Variants in CTHRC1 observed in about 807,000 individuals in gnomAD.
CTHRC1 encodes the protein collagen triple helix repeat-containing protein 1.
CTHRC1 carries 21 observed loss-of-function variants against 25.9 expected under a neutral mutation model. The ratio of observed to expected loss-of-function variants is 0.81; its 90% CI spans 0.57 to 1.17. The LOEUF (loss-of-function observed/expected upper bound fraction) is 1.17, where lower values mean the gene tolerates loss of function less well. Ranked by LOEUF, CTHRC1 falls within the 50% of genes most tolerant of loss-of-function variation. The pLI is 0.00. For synonymous variants in CTHRC1, 109 were observed against 113.1 expected (o/e 0.96, Z 0.23); for missense variants, 281 against 304.3 (o/e 0.92, Z 0.57).
At chr8:103,381,515 T>C (rs1815910147) in intron 3 of CTHRC1, among the ~76,000 whole-genome samples, 2 of 151,990 alleles carry the variant, frequency 1.3e-5, no homozygotes, top group Admixed American at 6.6e-5. Flanking sequence ...CAACTTGTAT[T>C]GTTAGTAGGT....
At chr8:103,372,441 TA>T in intron 1 of CTHRC1, 1 of 1,526,710 alleles carries the variant, frequency 6.6e-7, no homozygotes, top group Non-Finnish European at 8.8e-7. Flanking sequence ...TCAGAAGGTT[TA>T]AGGCCGGAAA....
intron 3 of CTHRC1, among the ~76,000 whole-genome samples, chr8:103,378,651 G>A (rs1193554309): frequency 6.6e-6 from 1 of 152,142 alleles, no homozygotes; most frequent in Non-Finnish European, 1.5e-5. Context: ...AAAAAGAAAT[G>A]CCTATCCCAC....
chr8:103,375,721 T>G lies in CTHRC1; in HGVS notation c.151-17T>G. On this transcript the variant is annotated splice_polypyrimidine_tract_variant and intron_variant, in intron 1 of 3. Coordinates refer to ENST00000330295, the MANE Select transcript of CTHRC1 (RefSeq NM_138455.4). ...TAAGTGGTGAGAGTTTTCTTTGCCT[T>G]TTCTTTCTCATTATAGTATAATGGA... is the stretch of plus-strand genomic sequence containing the variant. The G allele has an allele frequency of 6.2e-7, 1 of 1,606,138 alleles. No individual in the cohort carries two copies. The highest frequency in any genetic ancestry group is 8.5e-7 in the Non-Finnish European group (1 of 1,172,742).
chr8:103,376,798 C>G lies in CTHRC1; in HGVS notation c.372+839C>G, dbSNP rs79440391. On this transcript the variant is annotated intron_variant, in intron 2 of 3. Transcript: ENST00000330295. ...GTATAATCCCTGTTCCTTATCTCAG[C>G]TCTTTCTGCTCTATTAAGAGTTTGA... Among the ~76,000 whole-genome samples the G allele has an allele frequency of 9.2e-3, 1,405 of 152,316 alleles. 22 individuals are homozygous for G. The highest frequency in any genetic ancestry group is 0.031 in the African/African-American group (1,292 of 41,572).
chr8:103,377,856 G>A (rs1291154493), intron 2 of CTHRC1, among the ~76,000 whole-genome samples, 171 bp from the exon 3 acceptor site: 2 of 151,962 alleles, frequency 1.3e-5, no homozygotes, highest in Admixed American at 6.6e-5. Context: ...TGCCCCCCTC[G>A]GCCTCCCAAA....
chr8:103,372,830 T>G (rs1393120697), intron 1 of CTHRC1, among the ~76,000 whole-genome samples: 3 of 151,866 alleles, frequency 2.0e-5, no homozygotes, highest in Non-Finnish European at 4.4e-5. Context: ...TTGCAAGACA[T>G]AAGTTGGGGC....
chr8:103,374,388 C>G (rs896334781), intron 1 of CTHRC1, among the ~76,000 whole-genome samples: 2 of 152,150 alleles, frequency 1.3e-5, no homozygotes, highest in Non-Finnish European at 2.9e-5. Flanking sequence ...TACTAGGCAA[C>G]TTACACAAAT....
chr8:103,377,852 C>A (rs1815832962), intron 2 of CTHRC1, among the ~76,000 whole-genome samples, 175 bp from the exon 3 acceptor site: 1 of 152,160 alleles, frequency 6.6e-6, no homozygotes, highest in South Asian at 2.1e-4. Flanking sequence ...AATCTGCCCC[C>A]CTCGGCCTCC....
At chr8:103,378,360 A>AG (rs1815846782) in intron 3 of CTHRC1, 117 bp downstream of exon 3, 1 of 789,860 alleles carries the variant, frequency 1.3e-6, no homozygotes, top group Non-Finnish European at 2.1e-6. Context: ...CAAGTTTTCA[A>AG]TGCATGATTC....
chr8:103,377,885 T>A (rs541621041), intron 2 of CTHRC1, 142 bp from the exon 3 acceptor site: 11 of 742,330 alleles, frequency 1.5e-5, no homozygotes, highest in African/African-American at 3.5e-5. Flanking sequence ...ATTACAGGTA[T>A]GAGCCACCAC....
intron 1 of CTHRC1, chr8:103,372,399 G>A: frequency 1.4e-6 from 2 of 1,433,262 alleles, no homozygotes; most frequent in African/African-American, 2.9e-5. Flanking sequence ...AATTTACTTT[G>A]TTGGACAACC....
intron 1 of CTHRC1, among the ~76,000 whole-genome samples, chr8:103,373,171 C>A (rs1563707402): frequency 6.6e-6 from 1 of 152,150 alleles, no homozygotes; most frequent in African/African-American, 2.4e-5. Context: ...TTGCTATTTT[C>A]CCCCCTTCAA....
intron 3 of CTHRC1, 47 bp downstream of exon 3, chr8:103,378,290 GA>G: frequency 6.7e-7 from 1 of 1,491,876 alleles, no homozygotes; most frequent in Admixed American, 1.7e-5. Context: ...ATCTAAGTAA[GA>G]TTAGTTTTGA....
At chr8:103,375,586 T>C in intron 1 of CTHRC1, 152 bp from the exon 2 acceptor site, 1 of 693,438 alleles carries the variant, frequency 1.4e-6, no homozygotes, top group Non-Finnish European at 2.6e-6. Flanking sequence ...AATTTGAAAA[T>C]GAATTCTCTG....
chr8:103,379,365 C>T (rs1035798725), intron 3 of CTHRC1, among the ~76,000 whole-genome samples: 1 of 152,038 alleles, frequency 6.6e-6, no homozygotes, highest in Admixed American at 6.6e-5. Context: ...TCCTCCTGCT[C>T]AGCTTCCCAA....
rs757169455 is a variant in CTHRC1 at position 103,371,628 on chromosome 8, A to C, written c.-29A>C. On this transcript the variant is annotated 5_prime_UTR_variant, in exon 1 of 4. Transcript: ENST00000330295. ...CCTCTCCTCGGTCTCCTCCGCCTCC[A>C]GCTCCGCGCTGCCCGGCAGCCGGGA... is the stretch of plus-strand genomic sequence containing the variant. 5 of 1,528,598 alleles carry C rather than the reference A, an allele frequency of 3.3e-6. No homozygotes were observed. The South Asian group carries it at 6.1e-5, about 19-fold the overall frequency. 94.7% of individuals were successfully genotyped at this position (1,528,598 alleles called of 1,614,324 possible).
In CTHRC1 at chr8:103,371,619, T is replaced by A. The variant is rs964357394; in HGVS notation, c.-38T>A. The A allele has an allele frequency of 6.5e-7, 1 of 1,527,332 alleles. No homozygotes were observed. The highest frequency in any genetic ancestry group is 8.8e-7 in the Non-Finnish European group (1 of 1,139,022). 94.6% of individuals were successfully genotyped at this position (1,527,332 alleles called of 1,614,324 possible). On this transcript the variant is annotated 5_prime_UTR_variant, in exon 1 of 4. Coordinates refer to ENST00000330295, the MANE Select transcript of CTHRC1 (RefSeq NM_138455.4). ...GACCACGTTCCTCTCCTCGGTCTCC[T>A]CCGCCTCCAGCTCCGCGCTGCCCGG...
chr8:103,379,492 A>T (rs1815867070), intron 3 of CTHRC1, among the ~76,000 whole-genome samples: 1 of 151,800 alleles, frequency 6.6e-6, no homozygotes, highest in African/African-American at 2.4e-5. Flanking sequence ...AAAAAAAACT[A>T]TTAATCTCAT....
At chr8:103,379,499 T>C (rs777098180) in intron 3 of CTHRC1, among the ~76,000 whole-genome samples, 4 of 152,014 alleles carry the variant, frequency 2.6e-5, no homozygotes, top group African/African-American at 4.8e-5. Context: ...ACTATTAATC[T>C]CATCCTCCAG....
Sources: gnomAD v4.1 joint callset for allele counts (sites outside exome capture counted in the v4.1 genomes callset) on GRCh38, gnomAD v4.1.1 for gene constraint, MANE v1.5 for transcripts, NCBI Gene and HGNC (gene_info 2026-07-23, HGNC 2026-07-21) for gene names.